Variants in MARK4 observed in about 807,000 individuals in gnomAD.
The protein encoded by MARK4 is microtubule affinity regulating kinase 4, also known as MAP/microtubule affinity-regulating kinase 4.
Under a neutral mutation model 81.5 loss-of-function variants are expected in MARK4, and 19 were observed. The observed-to-expected ratio is 0.23, with a 90% CI of 0.16 to 0.34. MARK4 has a LOEUF of 0.34. Ranked by LOEUF, MARK4 falls within the 10% of genes least tolerant of loss-of-function variation. The pLI is 1.00. For missense variants in MARK4, 772 were observed against 1,058.8 expected, an observed-to-expected ratio of 0.73 and a Z score of 3.76; for synonymous variants, 436 against 439.0, an observed-to-expected ratio of 0.99 and a Z score of 0.08.
chr19:45,302,576 C>T lies in MARK4; in HGVS notation c.2125C>T (p.Leu709=). The part of the protein sequence containing the change: ...LHGGAGGPEP[L]SHFEVEVCQL... ...CGGGGGTGCGGGCGGGCCCGAGCCC[C>T]TGTCCCACTTCGAAGTGGAGGTCTG... The change falls in exon 17 of 17, where the codon CTG becomes TTG. Residue 709 remains leucine, a synonymous_variant. Coordinates refer to ENST00000262891, the MANE Select transcript of MARK4 (RefSeq NM_001199867.2). This position sits in a 1 kb window ranked among gnomAD's most constrained non-coding sequence, Gnocchi z 4.9. The T allele has an allele frequency of 6.3e-7, 1 of 1,579,208 alleles. No individual in the cohort carries two copies. The highest frequency in any genetic ancestry group is 8.6e-7 in the Non-Finnish European group (1 of 1,169,386).
chr19:45,263,697 G>A (rs1266973577), intron 4 of MARK4, among the ~76,000 whole-genome samples: 2 of 148,600 alleles, frequency 1.3e-5, no homozygotes, highest in African/African-American at 5.0e-5. Flanking sequence ...AGCTGAGATC[G>A]CACCACTGCA....
At chr19:45,285,946 T>C (rs1970737405) in intron 12 of MARK4, among the ~76,000 whole-genome samples, 1 of 152,224 alleles carries the variant, frequency 6.6e-6, no homozygotes, top group Non-Finnish European at 1.5e-5. Context: ...TACAATAACA[T>C]CCTTGAAAAT....
rs1050961332 is a variant in MARK4, at chr19:45,303,869, A to T, written c.*1159A>T. On this transcript the variant is annotated 3_prime_UTR_variant, in exon 17 of 17. Transcript: ENST00000262891. ...TAATGCTGGAATGGGGTGTTGAAGG[A>T]TGAGTAGGAGTTAGTTAGGCATTGA... 1 of 152,210 alleles carries T rather than the reference A, an allele frequency of 6.6e-6. No homozygotes were observed. Among genetic ancestry groups the T allele is most frequent in the African/African-American group, 2.4e-5 (1 of 41,436 alleles). The allele number at this position is 152,210 out of a possible 1,614,324, so 9.4% of individuals were successfully genotyped here. A position where few individuals can be genotyped will look rare whatever the true frequency, so the allele number is the denominator to read the frequency against.
intron 10 of MARK4, 54 bp downstream of exon 10, chr19:45,278,669 T>C: frequency 2.2e-6 from 3 of 1,357,636 alleles, no homozygotes; most frequent in Non-Finnish European, 2.1e-6. Flanking sequence ...AGTGGTGCAA[T>C]CTCGGCTCAC....
At chr19:45,255,559 C>CAAAAA (rs34066317) in intron 1 of MARK4, among the ~76,000 whole-genome samples, 1 of 90,270 alleles carries the variant, frequency 1.1e-5, no homozygotes, top group Non-Finnish European at 2.1e-5. Flanking sequence ...GAAACTCTGC[C>CAAAAA]AAAAAAAAAA....
At chr19:45,263,631 A>G (rs1970409805) in intron 4 of MARK4, among the ~76,000 whole-genome samples, 1 of 151,518 alleles carries the variant, frequency 6.6e-6, no homozygotes. Context: ...AATCCCAGCT[A>G]CTCGGGAGGC....
rs1293063645 is a variant in MARK4 at position 45,302,568 on chromosome 19, C to T, written c.2117C>T (p.Pro706Leu). 1.9e-6 allele frequency: 3 copies of T among 1,576,998 alleles called. No homozygotes were observed. The highest frequency in any genetic ancestry group is 3.6e-5 in the Admixed American group (2 of 55,208). The part of the protein sequence containing the change: ...LACLHGGAGG[P>L]EPLSHFEVEV... The stretch of plus-strand genomic sequence containing the variant: ...TGCCTGCACGGGGGTGCGGGCGGGC[C>T]CGAGCCCCTGTCCCACTTCGAAGTG... The change falls in exon 17 of 17, where the codon CCC becomes CTC. Residue 706 changes from proline (P) to leucine (L), a missense_variant. Around this residue, in one of 3 missense-constraint regions of MARK4, gnomAD observed 548 missense variants for 624.3 expected, o/e 0.88. Transcript: ENST00000262891. This position sits in a 1 kb window ranked among gnomAD's most constrained non-coding sequence, Gnocchi z 4.9.
chr19:45,270,760 C>A (rs1026544563), intron 7 of MARK4, among the ~76,000 whole-genome samples: 2 of 151,854 alleles, frequency 1.3e-5, no homozygotes, highest in Non-Finnish European at 2.9e-5. Flanking sequence ...CCACCATGCC[C>A]GGCTAATTTT....
intron 12 of MARK4, 89 bp from the exon 13 acceptor site, chr19:45,287,358 G>T: frequency 1.1e-6 from 1 of 903,342 alleles, no homozygotes; most frequent in East Asian, 2.8e-5. Context: ...TGCAACCCAC[G>T]TGAGGAATTC....
Position 45,287,654 on chromosome 19 carries a change from C to T in MARK4, c.1484C>T (p.Thr495Met), listed in dbSNP as rs767858037. 10 of 1,599,086 alleles carry T rather than the reference C, an allele frequency of 6.3e-6. No individual in the cohort carries two copies. Among genetic ancestry groups the T allele is most frequent in the Non-Finnish European group, 6.8e-6 (8 of 1,170,116 alleles). Residue 495 changes from threonine (T) to methionine (M), a missense_variant, in exon 13 of 17, where the codon ACG becomes ATG. By Grantham distance (81) the Thr-to-Met change is moderately conservative (BLOSUM62 -1). Around this residue, in one of 3 missense-constraint regions of MARK4, gnomAD observed 548 missense variants for 624.3 expected, o/e 0.88. Coordinates refer to ENST00000262891, the MANE Select transcript of MARK4 (RefSeq NM_001199867.2). ...AEIPERRKDSTSTPNNLPPSM... is the reference protein window; with the variant it reads ...AEIPERRKDSMSTPNNLPPSM... Reference sequence around the variant, plus strand: ...ATCCCAGAGCGGCGGAAGGACAGCACGAGCACCCCCGTGAGTGACCAGGGC... The same window carrying T: ...ATCCCAGAGCGGCGGAAGGACAGCATGAGCACCCCCGTGAGTGACCAGGGC...
Position 45,251,445 on chromosome 19 carries a change from T to A in MARK4, c.-144T>A. ...TTCCCCTCCCCCGCCCTGCCCCCTC[T>A]CCCGCCGCGCGGACCCGGGCGTTCT... On this transcript the variant is annotated 5_prime_UTR_variant, in exon 1 of 17. Coordinates refer to ENST00000262891, the MANE Select transcript of MARK4 (RefSeq NM_001199867.2). 9.8e-6 allele frequency: 3 copies of A among 306,794 alleles called. No individual in the cohort carries two copies. The highest frequency in any genetic ancestry group is 2.9e-5 in the African/African-American group (1 of 33,980). 19.0% of individuals were successfully genotyped at this position (306,794 alleles called of 1,614,324 possible). A position where few individuals can be genotyped will look rare whatever the true frequency, so the allele number is the denominator to read the frequency against.
At chr19:45,251,979 G>T (rs1599773763) in intron 1 of MARK4, among the ~76,000 whole-genome samples, 1 of 151,276 alleles carries the variant, frequency 6.6e-6, no homozygotes, top group East Asian at 2.0e-4. Context: ...CAGGCCGTCC[G>T]CGTCCGACAC....
At chr19:45,276,281 C>G (rs1970596577) in intron 8 of MARK4, among the ~76,000 whole-genome samples, 1 of 152,202 alleles carries the variant, frequency 6.6e-6, no homozygotes, top group Non-Finnish European at 1.5e-5. Flanking sequence ...CCCACCTTGG[C>G]CTCCCGAAGT....
chr19:45,251,692 C>T, intron 1 of MARK4, 53 bp downstream of exon 1: 3 of 1,460,722 alleles, frequency 2.1e-6, no homozygotes, highest in Admixed American at 2.4e-5. Context: ...GCCGCCAAAC[C>T]CTTCTCCCCG....
At chr19:45,300,918 C>A (rs995175015) in intron 16 of MARK4, among the ~76,000 whole-genome samples, 3 of 151,928 alleles carry the variant, frequency 2.0e-5, no homozygotes, top group Non-Finnish European at 2.9e-5. Context: ...TCGTGCTCAC[C>A]CAAGCTGAGG....
chr19:45,273,589 C>T lies in MARK4; in HGVS notation c.786+1881C>T, dbSNP rs186891296. On this transcript the variant is annotated intron_variant, in intron 8 of 16. Coordinates refer to ENST00000262891, the MANE Select transcript of MARK4 (RefSeq NM_001199867.2). ...GCCATCTCTTGTGTCTCCTTTCATC[C>T]GGAACAGTTCTCAGCCTCTCTTTTG... Among the ~76,000 whole-genome samples, 223 of 152,300 alleles carry T rather than the reference C, an allele frequency of 1.5e-3. 2 individuals are homozygous for T. The highest frequency in any genetic ancestry group is 4.8e-3 in the African/African-American group (199 of 41,564).
intron 8 of MARK4, among the ~76,000 whole-genome samples, chr19:45,274,458 C>T (rs1970573094): frequency 6.6e-6 from 1 of 151,908 alleles, no homozygotes; most frequent in East Asian, 1.9e-4. Flanking sequence ...TGGTAAAACC[C>T]CGTCTCTACC....
chr19:45,276,868 C>T lies in MARK4; in HGVS notation c.787-1055C>T, dbSNP rs908076504. Among the ~76,000 whole-genome samples, 27 of 151,538 alleles carry T rather than the reference C, an allele frequency of 1.8e-4. 1 individual carries two copies. The highest frequency in any genetic ancestry group is 1.3e-4 in the Non-Finnish European group (9 of 67,936). ...CTGGCTGGTTTCGATCTCCTGACCT[C>T]AGGCGATCTGCCTGCCTCACCCTCC... On this transcript the variant is annotated intron_variant, in intron 8 of 16. Coordinates refer to ENST00000262891, the MANE Select transcript of MARK4 (RefSeq NM_001199867.2).
chr19:45,263,150 C>T lies in MARK4; in HGVS notation c.290C>T (p.Pro97Leu). ...IKIIDKTQLNPSSLQKLFREV... is the reference protein window; with the variant it reads ...IKIIDKTQLNLSSLQKLFREV... ...ATTATCGACAAAACCCAGCTGAATC[C>T]CAGCAGCCTGCAGAAGGTGAGGCTG... Residue 97 changes from proline to leucine, a missense_variant, in exon 3 of 17, where the codon CCC becomes CTC. Around this residue, in one of 3 missense-constraint regions of MARK4, gnomAD observed 115 missense variants for 139.8 expected, o/e 0.82. Coordinates refer to ENST00000262891, the MANE Select transcript of MARK4 (RefSeq NM_001199867.2). 6.2e-7 allele frequency: 1 copy of T among 1,609,044 alleles called. No individual in the cohort carries two copies. Among genetic ancestry groups the T allele is most frequent in the Non-Finnish European group, 8.5e-7 (1 of 1,177,638 alleles).
Sources: allele counts gnomAD v4.1 joint callset (sites outside exome capture counted in the v4.1 genomes callset), GRCh38; gene constraint gnomAD v4.1.1; regional missense constraint gnomAD v4.1.1; non-coding constraint Gnocchi (gnomAD v3.1); transcripts MANE v1.5; gene names NCBI Gene and HGNC (gene_info 2026-07-23, HGNC 2026-07-21).